Variants in RIMKLB observed in about 807,000 individuals in gnomAD.
RIMKLB encodes beta-citrylglutamate synthase B.
Under a neutral mutation model 32.0 loss-of-function variants are expected in RIMKLB, and 7 were observed. The observed-to-expected ratio is 0.22, with a 90% CI of 0.12 to 0.41. The LOEUF (loss-of-function observed/expected upper bound fraction) is 0.41. Among genes scored for constraint, RIMKLB ranks in the 10% least tolerant of loss-of-function variants. RIMKLB has a pLI of 1.00. For synonymous variants in RIMKLB, 172 were observed against 185.1 expected (o/e 0.93, Z 0.57); for missense variants, 289 against 498.7 (o/e 0.58, Z 4.00).
Position 8,774,407 on chromosome 12 carries a change from T to C in RIMKLB, c.*623T>C, listed in dbSNP as rs1467286402. 1.0e-6 allele frequency: 1 copy of C among 985,786 alleles called. No individual in the cohort carries two copies. The highest frequency in any genetic ancestry group is 1.2e-6 in the Non-Finnish European group (1 of 829,864). The allele number at this position is 985,786 out of a possible 1,614,324, so 61.1% of individuals were successfully genotyped here. On this transcript the variant is annotated 3_prime_UTR_variant, in exon 6 of 6. Coordinates refer to ENST00000535829, the MANE Select transcript of RIMKLB (RefSeq NM_001297776.2). ...AATAAAGGCTTCTTAATGACAAAAT[T>C]GGCATGTTTGCATGATGAAATGGAA...
chr12:8,740,654 T>C lies in RIMKLB; in HGVS notation c.176-9208T>C, dbSNP rs922112662. The stretch of plus-strand genomic sequence containing the variant: ...ATGGTCTCCAACTCCAGGAAGATGC[T>C]TTATTCTTTATTAATATTTTAAAGA... On this transcript the variant is annotated intron_variant, in intron 2 of 5. Transcript: ENST00000535829. Among the ~76,000 whole-genome samples, 4 of 152,270 alleles carry C rather than the reference T, an allele frequency of 2.6e-5. No individual in the cohort carries two copies. In the South Asian group the frequency reaches 8.3e-4, roughly 31 times the overall value.
At chr12:8,763,808 G>A (rs907295030) in intron 5 of RIMKLB, among the ~76,000 whole-genome samples, 6 of 152,196 alleles carry the variant, frequency 3.9e-5, no homozygotes, top group African/African-American at 1.4e-4. Context: ...GCTAATGCCT[G>A]GCCAAATAGA....
intron 1 of RIMKLB, among the ~76,000 whole-genome samples, chr12:8,698,902 G>T (rs1943123726): frequency 6.6e-6 from 1 of 151,800 alleles, no homozygotes; most frequent in Non-Finnish European, 1.5e-5. Flanking sequence ...GTCCAGTTTT[G>T]ATTCTTTAAA....
At chr12:8,721,736 G>A (rs1945457412) in intron 2 of RIMKLB, among the ~76,000 whole-genome samples, 1 of 152,002 alleles carries the variant, frequency 6.6e-6, no homozygotes, top group Non-Finnish European at 1.5e-5. Flanking sequence ...TGAATTATGA[G>A]TGTTTTTTGT....
At chr12:8,699,354 A>T (rs1943182338) in intron 1 of RIMKLB, among the ~76,000 whole-genome samples, 1 of 152,016 alleles carries the variant, frequency 6.6e-6, no homozygotes, top group South Asian at 2.1e-4. Context: ...TTTAAATCTC[A>T]TTTTTGTTAC....
chr12:8,752,747 GTTT>G (rs113660868), intron 4 of RIMKLB, among the ~76,000 whole-genome samples: 2 of 146,516 alleles, frequency 1.4e-5, no homozygotes, highest in Non-Finnish European at 3.0e-5. Flanking sequence ...TTTGTTTTTT[GTTT>G]TTTTTTTGAG....
intron 5 of RIMKLB, among the ~76,000 whole-genome samples, chr12:8,773,102 A>C (rs1950535738): frequency 6.6e-6 from 1 of 151,756 alleles, no homozygotes; most frequent in South Asian, 2.1e-4. Flanking sequence ...ACTTGGAAAA[A>C]ATATTGACAA....
Position 8,776,862 on chromosome 12 carries a change from T to C in RIMKLB, c.*3078T>C, listed in dbSNP as rs765676381. 9.1e-6 allele frequency: 9 copies of C among 985,840 alleles called. No homozygotes were observed. The South Asian group carries it at 2.8e-4, about 31-fold the overall frequency. The allele number at this position is 985,840 out of a possible 1,614,324, so 61.1% of individuals were successfully genotyped here. On this transcript the variant is annotated 3_prime_UTR_variant, in exon 6 of 6. Transcript: ENST00000535829. Reference sequence around the variant, plus strand: ...GAGAACATATTGAAGGCATTGACTTTGAAAATCATCTCTTTTTCTCAAGAA... The same window carrying C: ...GAGAACATATTGAAGGCATTGACTTCGAAAATCATCTCTTTTTCTCAAGAA...
intron 5 of RIMKLB, among the ~76,000 whole-genome samples, chr12:8,771,145 A>T (rs1950365148): frequency 6.6e-6 from 1 of 152,180 alleles, no homozygotes; most frequent in Admixed American, 6.5e-5. Flanking sequence ...GACATAATTG[A>T]TAACCATGTA....
At chr12:8,752,153 C>G in intron 4 of RIMKLB, 110 bp downstream of exon 4, 2 of 696,162 alleles carry the variant, frequency 2.9e-6, no homozygotes, top group Non-Finnish European at 5.0e-6. Flanking sequence ...CATGATACCT[C>G]AGACTTACAG....
In RIMKLB at chr12:8,727,172, C is replaced by T. The variant is rs762635178; in HGVS notation, c.175+13131C>T. ...GCCTGCACGTGCACACAGACACACA[C>T]ACACACAGAGTGATTATACACGCAA... On this transcript the variant is annotated intron_variant, in intron 2 of 5. Transcript: ENST00000535829. Among the ~76,000 whole-genome samples the T allele has an allele frequency of 7.2e-5, 11 of 152,340 alleles. No homozygotes were observed. In the East Asian group the frequency reaches 2.1e-3, roughly 29 times the overall value.
In RIMKLB at chr12:8,749,874, A is replaced by G. The variant is rs61999314; in HGVS notation, c.188A>G (p.Asn63Ser). The change falls in exon 3 of 6, where the codon AAT (asparagine) becomes AGT (serine). Residue 63 changes from asparagine (N) to serine (S), a missense_variant. This residue lies in a region of RIMKLB where 156 missense variants were observed against 329.5 expected (regional missense o/e 0.47). Coordinates refer to ENST00000535829, the MANE Select transcript of RIMKLB (RefSeq NM_001297776.2). Reference protein sequence around the residue: ...IEQGNLGLRINGELITAYPQV... With the variant: ...IEQGNLGLRISGELITAYPQV... ...TTATATATTTCAGGTCTGCGGATCAATGGAGAGCTAATCACTGCCTACCCA... is the reference window on the plus strand; with the variant it reads ...TTATATATTTCAGGTCTGCGGATCAGTGGAGAGCTAATCACTGCCTACCCA... 6,220 of 1,603,042 alleles carry G rather than the reference A, an allele frequency of 3.9e-3. 213 individuals are homozygous for G. The African/African-American group carries it at 0.073, about 19-fold the overall frequency.
chr12:8,746,786 G>A (rs1202189935), intron 2 of RIMKLB, among the ~76,000 whole-genome samples: 3 of 151,788 alleles, frequency 2.0e-5, no homozygotes, highest in Non-Finnish European at 4.4e-5. Flanking sequence ...TAGGGTCAGG[G>A]TCTTTGTCCT....
upstream of RIMKLB, among the ~76,000 whole-genome samples, chr12:8,680,786 G>A (rs909325738): frequency 3.9e-5 from 6 of 152,048 alleles, no homozygotes; most frequent in Non-Finnish European, 8.8e-5. Context: ...AGACAGCCAG[G>A]GACTCTCATT....
At chr12:8,714,101 GT>G in intron 2 of RIMKLB, 60 bp downstream of exon 2, 1 of 1,415,046 alleles carries the variant, frequency 7.1e-7, no homozygotes, top group Non-Finnish European at 9.9e-7. Flanking sequence ...GAATCTGCAT[GT>G]TTTAGGAATA....
chr12:8,768,199 G>A (rs971153477), intron 5 of RIMKLB, among the ~76,000 whole-genome samples: 1 of 152,236 alleles, frequency 6.6e-6, no homozygotes, highest in African/African-American at 2.4e-5. Context: ...CAGGCACTTA[G>A]TTGTGCAGGA....
intron 2 of RIMKLB, among the ~76,000 whole-genome samples, chr12:8,739,588 A>G (rs1591821223): frequency 6.6e-6 from 1 of 152,190 alleles, no homozygotes; most frequent in Non-Finnish European, 1.5e-5. Flanking sequence ...CTACTGCTTC[A>G]GCCTCCTGAG....
At chr12:8,753,285 T>C (rs1212520947) in intron 4 of RIMKLB, among the ~76,000 whole-genome samples, 1 of 152,228 alleles carries the variant, frequency 6.6e-6, no homozygotes, top group Non-Finnish European at 1.5e-5. Flanking sequence ...GAATTACTTC[T>C]GCTATATTCT....
rs1213839383 is a variant in RIMKLB at position 8,775,309 on chromosome 12, C to G, written c.*1525C>G. On this transcript the variant is annotated 3_prime_UTR_variant, in exon 6 of 6. Coordinates refer to ENST00000535829, the MANE Select transcript of RIMKLB (RefSeq NM_001297776.2). ...TCTTAAGCCTTCAATACTGTCCACTCTTTATATTCCTTTACTTGCAGAATT... is the reference window on the plus strand; with the variant it reads ...TCTTAAGCCTTCAATACTGTCCACTGTTTATATTCCTTTACTTGCAGAATT... 4 of 985,368 alleles carry G rather than the reference C, an allele frequency of 4.1e-6. No individual in the cohort carries two copies. Among genetic ancestry groups the G allele is most frequent in the East Asian group, 2.3e-4 (2 of 8,818 alleles). 61.0% of individuals were successfully genotyped at this position (985,368 alleles called of 1,614,324 possible).
Sources: allele counts gnomAD v4.1 joint callset (sites outside exome capture counted in the v4.1 genomes callset), GRCh38; gene constraint gnomAD v4.1.1; regional missense constraint gnomAD v4.1.1; transcripts MANE v1.5; gene names NCBI Gene and HGNC (gene_info 2026-07-23, HGNC 2026-07-21).